CAND1: variants seen among roughly 807,000 people sequenced by gnomAD.
CAND1 encodes the protein cullin associated and neddylation dissociated 1.
CAND1 carries 7 observed loss-of-function variants against 108.5 expected under a neutral mutation model. That is an observed-to-expected ratio of 0.06 (90% CI 0.04 to 0.12). CAND1 has a LOEUF of 0.12. Among genes scored for constraint, CAND1 ranks in the 10% least tolerant of loss-of-function variants. CAND1 has a pLI of 1.00. For synonymous variants in CAND1, 534 were observed against 512.0 expected, an observed-to-expected ratio of 1.04 and a Z score of -0.58; for missense variants, 941 against 1,448.7, an observed-to-expected ratio of 0.65 and a Z score of 5.69.
chr12:67,278,551 C>G (rs1052188162), intron 1 of CAND1, among the ~76,000 whole-genome samples: 1 of 152,070 alleles, frequency 6.6e-6, no homozygotes, highest in Non-Finnish European at 1.5e-5. Flanking sequence ...ATGAATCTCA[C>G]TCTGTCACCT....
Position 67,299,006 on chromosome 12 carries a change from A to G in CAND1, c.911A>G (p.Tyr304Cys), listed in dbSNP as rs1292102740. Residue 304 changes from tyrosine (Y) to cysteine (C), a missense_variant, in exon 7 of 15, where the codon TAT (tyrosine) becomes TGT (cysteine). Physicochemically the swap from Tyr to Cys is radical, Grantham distance 194 (BLOSUM62 -2). Transcript: ENST00000545606. ...VSTIINICLK[Y>C]LTYDPNYNYD... ...ACCATTATAAATATTTGTCTTAAAT[A>G]TCTTACCTATGATCCAAATTATAAT... 1.3e-6 allele frequency: 2 copies of G among 1,513,734 alleles called. No individual in the cohort carries two copies. Among genetic ancestry groups the G allele is most frequent in the Admixed American group, 1.7e-5 (1 of 59,526 alleles). 93.8% of individuals were successfully genotyped at this position (1,513,734 alleles called of 1,614,324 possible). A position where few individuals can be genotyped will look rare whatever the true frequency, so the allele number is the denominator to read the frequency against.
intron 8 of CAND1, among the ~76,000 whole-genome samples, chr12:67,303,838 AAGT>A (rs1386266096): frequency 1.3e-5 from 2 of 152,108 alleles, no homozygotes; most frequent in Non-Finnish European, 2.9e-5. Context: ...AGCAAATGGA[AAGT>A]AAGAAAAGGA....
chr12:67,294,045 G>A (rs999669037), intron 3 of CAND1, among the ~76,000 whole-genome samples: 8 of 152,132 alleles, frequency 5.3e-5, no homozygotes, highest in Admixed American at 6.5e-5. Context: ...TATCATACCA[G>A]TGTTATTTTA....
chr12:67,277,998 C>T (rs144358704), intron 1 of CAND1, among the ~76,000 whole-genome samples: 9 of 152,288 alleles, frequency 5.9e-5, no homozygotes, highest in African/African-American at 2.2e-4. Context: ...TATTCCCCAT[C>T]TGTAACCCAG....
intron 1 of CAND1, among the ~76,000 whole-genome samples, chr12:67,272,872 A>G (rs1043758512): frequency 2.6e-5 from 4 of 151,806 alleles, no homozygotes; most frequent in African/African-American, 4.8e-5. Flanking sequence ...AATTTTTTGT[A>G]TTTTAGTCAA....
intron 7 of CAND1, among the ~76,000 whole-genome samples, chr12:67,299,467 G>T (rs1414683978): frequency 1.3e-5 from 2 of 152,014 alleles, no homozygotes; most frequent in Non-Finnish European, 2.9e-5. Context: ...ATGATTTTTG[G>T]TTTTAAGTAC....
At chr12:67,285,512 T>C (rs1453666594) in intron 2 of CAND1, among the ~76,000 whole-genome samples, 1 of 152,120 alleles carries the variant, frequency 6.6e-6, no homozygotes, top group Non-Finnish European at 1.5e-5. Flanking sequence ...TAGAGAGGTG[T>C]TGGTTAGCCC....
rs375314156 is a variant in CAND1, at chr12:67,313,045, C to T, written c.*215C>T. On this transcript the variant is annotated 3_prime_UTR_variant, in exon 15 of 15. Transcript: ENST00000545606. ...TTCCATAATCCAGAGGTTGTAAAACCACTAGTGTTTTAGTGGTTACAGCAA... is the reference window on the plus strand; with the variant it reads ...TTCCATAATCCAGAGGTTGTAAAACTACTAGTGTTTTAGTGGTTACAGCAA... The T allele has an allele frequency of 9.1e-6, 4 of 439,936 alleles. No individual in the cohort carries two copies. Among genetic ancestry groups the T allele is most frequent in the Admixed American group, 4.0e-5 (1 of 25,122 alleles). The allele number at this position is 439,936 out of a possible 1,614,324, so 27.3% of individuals were successfully genotyped here.
chr12:67,285,553 G>A (rs182523903), intron 2 of CAND1, among the ~76,000 whole-genome samples: 1 of 152,276 alleles, frequency 6.6e-6, no homozygotes, highest in Non-Finnish European at 1.5e-5. Context: ...AATCAAAGCA[G>A]TGAGGTAGTG....
chr12:67,302,802 T>C (rs2044838918), intron 8 of CAND1, among the ~76,000 whole-genome samples, 187 bp downstream of exon 8: 1 of 152,178 alleles, frequency 6.6e-6, no homozygotes, highest in Non-Finnish European at 1.5e-5. Flanking sequence ...TATTCTTGGC[T>C]TTACATGATA....
intron 2 of CAND1, among the ~76,000 whole-genome samples, chr12:67,292,160 T>C (rs901602103): frequency 6.6e-6 from 1 of 151,974 alleles, no homozygotes; most frequent in African/African-American, 2.4e-5. Flanking sequence ...AGCCACTGCA[T>C]CCGGCCTTAC....
chr12:67,308,663 G>A (rs1398991236), intron 11 of CAND1, among the ~76,000 whole-genome samples: 1 of 151,946 alleles, frequency 6.6e-6, no homozygotes, highest in Non-Finnish European at 1.5e-5. Flanking sequence ...ACACCATTTT[G>A]TCCATAATAG....
At chr12:67,310,356 A>C in intron 13 of CAND1, 40 bp downstream of exon 13, 5 of 1,421,976 alleles carry the variant, frequency 3.5e-6, no homozygotes, top group Non-Finnish European at 4.8e-6. Flanking sequence ...TTTTAGAAGA[A>C]GACTTTGCTA....
At chr12:67,293,475 C>T (rs906202379) in intron 3 of CAND1, among the ~76,000 whole-genome samples, 11 of 152,084 alleles carry the variant, frequency 7.2e-5, no homozygotes, top group African/African-American at 2.2e-4. Flanking sequence ...GTCTGGGGGC[C>T]GGGCGAGGTG....
rs1300808404 is a variant in CAND1 at position 67,312,712 on chromosome 12, G to A, written c.3575G>A (p.Ser1192Asn). The part of the protein sequence containing the change: ...ALLTIPEAEK[S>N]PLMSEFQSQI... Reference sequence around the variant, plus strand: ...CTAACCATTCCAGAAGCAGAGAAGAGTCCACTGATGAGTGAATTCCAGTCA... The same window carrying A: ...CTAACCATTCCAGAAGCAGAGAAGAATCCACTGATGAGTGAATTCCAGTCA... Residue 1192 changes from serine (S) to asparagine (N), a missense_variant, in exon 15 of 15, where the codon AGT becomes AAT. This residue lies in a region of CAND1 where 39 missense variants were observed against 51.3 expected (regional missense o/e 0.76). Transcript: ENST00000545606. The A allele has an allele frequency of 6.2e-7, 1 of 1,613,662 alleles. No homozygotes were observed. The highest frequency in any genetic ancestry group is 8.5e-7 in the Non-Finnish European group (1 of 1,179,762).
At chr12:67,279,744 T>C (rs889101483) in intron 1 of CAND1, among the ~76,000 whole-genome samples, 2 of 152,108 alleles carry the variant, frequency 1.3e-5, no homozygotes, top group African/African-American at 4.8e-5. Context: ...TAATAGACAG[T>C]GAATAAATAA....
In CAND1 at chr12:67,317,260, C is replaced by T. The variant is rs61237339; in HGVS notation, c.*4430C>T. 13,418 of 152,218 alleles carry T rather than the reference C, an allele frequency of 0.088. 1,302 individuals are homozygous for T. The highest frequency in any genetic ancestry group is 0.24 in the African/African-American group (9,994 of 41,390). The allele number at this position is 152,218 out of a possible 1,614,324, so 9.4% of individuals were successfully genotyped here. A position where few individuals can be genotyped will look rare whatever the true frequency, so the allele number is the denominator to read the frequency against. ...AAGTGATTCTCCCACCTCAGCCTCC[C>T]GAGTAGCTGGGAGTATAGGTGTGTG... is the stretch of plus-strand genomic sequence containing the variant. On this transcript the variant is annotated 3_prime_UTR_variant, in exon 15 of 15. Transcript: ENST00000545606.
chr12:67,297,843 T>C lies in CAND1; in HGVS notation c.844T>C (p.Phe282Leu), dbSNP rs1054641684. ...GTACTGTATTCAAGCCTTTGAATCA[T>C]TTGTAAGAAGGTAAGTTTTTAAGAT... ...REYCIQAFES[F>L]VRRCPKEVYP... is the part of the protein sequence containing the mutation. Residue 282 changes from phenylalanine (F) to leucine (L), a missense_variant, in exon 6 of 15, where the codon TTT (phenylalanine) becomes CTT (leucine). Phe to Leu is a conservative substitution (Grantham distance 22, BLOSUM62 0). Transcript: ENST00000545606. The C allele has an allele frequency of 6.4e-7, 1 of 1,574,180 alleles. No individual in the cohort carries two copies. The highest frequency in any genetic ancestry group is 8.7e-7 in the Non-Finnish European group (1 of 1,155,906).
rs564359405 is a variant in CAND1, at chr12:67,317,354, C to G, written c.*4524C>G. The G allele has an allele frequency of 1.3e-5, 2 of 151,828 alleles. No homozygotes were observed. Among genetic ancestry groups the G allele is most frequent in the Non-Finnish European group, 2.9e-5 (2 of 68,052 alleles). 9.4% of individuals were successfully genotyped at this position (151,828 alleles called of 1,614,324 possible). ...GTCTCATGACCTTGTCCAGGATGATCTCAAACTCCTGGGCTCAAGCAATCC... is the reference window on the plus strand; with the variant it reads ...GTCTCATGACCTTGTCCAGGATGATGTCAAACTCCTGGGCTCAAGCAATCC... On this transcript the variant is annotated 3_prime_UTR_variant, in exon 15 of 15. Transcript: ENST00000545606.
Sources: allele counts gnomAD v4.1 joint callset (sites outside exome capture counted in the v4.1 genomes callset), GRCh38; gene constraint gnomAD v4.1.1; regional missense constraint gnomAD v4.1.1; transcripts MANE v1.5; gene names NCBI Gene and HGNC (gene_info 2026-07-23, HGNC 2026-07-21).